The following NFIB variants were observed in gnomAD, a reference collection of about 807,000 sequenced individuals.
The protein encoded by NFIB is nuclear factor 1 B-type.
In NFIB, 11 loss-of-function variants were observed where a neutral mutation model predicts 61.5. That is an observed-to-expected ratio of 0.18 (90% CI 0.11 to 0.30). The LOEUF (loss-of-function observed/expected upper bound fraction) is 0.30, where lower values mean the gene tolerates loss of function less well. Ranked by LOEUF, NFIB falls within the 10% of genes least tolerant of loss-of-function variation. NFIB has a pLI of 1.00. For missense variants in NFIB, 471 were observed against 608.9 expected (o/e 0.77, Z 2.38); for synonymous variants, 260 against 216.5 (o/e 1.20, Z -1.76).
chr9:14,413,315 C>G, the NFIB span, among the ~76,000 whole-genome samples: 1 of 152,148 alleles, frequency 6.6e-6, no homozygotes, highest in South Asian at 2.1e-4. Flanking sequence ...TTTCTGCACA[C>G]TCCACAATGA....
At chr9:14,344,227 C>A (rs749791703) in intron 1 of NFIB, among the ~76,000 whole-genome samples, 5 of 151,836 alleles carry the variant, frequency 3.3e-5, no homozygotes, top group Non-Finnish European at 7.4e-5. Flanking sequence ...CCAAGAGAGG[C>A]ACACACAGAG....
intron 10 of NFIB, among the ~76,000 whole-genome samples, chr9:14,106,912 T>C (rs983259388): frequency 6.6e-6 from 1 of 152,098 alleles, no homozygotes; most frequent in African/African-American, 2.4e-5. Flanking sequence ...AAATCTCAAC[T>C]GAACCAATAA....
Position 14,188,614 on chromosome 9 carries a change from C to T in NFIB, c.563-8834G>A, listed in dbSNP as rs553651495. 7.2e-5 allele frequency among the ~76,000 whole-genome samples: 11 copies of T among 152,304 alleles called. No homozygotes were observed. In the East Asian group the frequency reaches 1.9e-3, roughly 27 times the overall value. ...TAAGATTTATAATCTTTCATAAATG[C>T]TGCCCATATCTTATAATATTAGATG... On this transcript the variant is annotated intron_variant, in intron 2 of 10. Coordinates refer to ENST00000380953, the MANE Select transcript of NFIB (RefSeq NM_001190737.2).
chr9:14,164,844 A>C (rs2044602197), intron 3 of NFIB, among the ~76,000 whole-genome samples: 1 of 152,126 alleles, frequency 6.6e-6, no homozygotes, highest in Admixed American at 6.6e-5. Context: ...ATTCTGATTT[A>C]ATTGATATGG....
intron 2 of NFIB, among the ~76,000 whole-genome samples, chr9:14,223,136 C>T (rs181228282): frequency 4.8e-4 from 73 of 152,284 alleles, no homozygotes; most frequent in Admixed American, 3.5e-3. Flanking sequence ...GCATTCAAAG[C>T]GATCCTGGGT....
rs1425385339 is a variant in NFIB at position 14,118,628 on chromosome 9, AC to A, written c.1245+1811del. On this transcript the variant is annotated intron_variant, in intron 8 of 10. Coordinates refer to ENST00000380953, the MANE Select transcript of NFIB (RefSeq NM_001190737.2). Reference sequence around the variant, plus strand: ...ATCTTTTAAGGCTGTTAATAGATGAACTTTCATACTGTAGATAGAAAAGAGA... The same window carrying A: ...ATCTTTTAAGGCTGTTAATAGATGAATTTCATACTGTAGATAGAAAAGAGA... Among the ~76,000 whole-genome samples, 4 of 152,104 alleles carry A rather than the reference AC, an allele frequency of 2.6e-5. No individual in the cohort carries two copies. In the South Asian group the frequency reaches 8.3e-4, roughly 31 times the overall value.
intron 2 of NFIB, among the ~76,000 whole-genome samples, chr9:14,188,211 G>C (rs1179707206): frequency 6.6e-6 from 1 of 152,170 alleles, no homozygotes; most frequent in East Asian, 1.9e-4. Flanking sequence ...TGCATAATAT[G>C]TTTTTGATTT....
intron 2 of NFIB, among the ~76,000 whole-genome samples, chr9:14,305,045 A>C (rs1332791153): frequency 7.2e-5 from 11 of 152,378 alleles, no homozygotes; most frequent in African/African-American, 2.4e-4. Flanking sequence ...CAACAAAATC[A>C]ATGTTTTATC....
At chr9:14,314,740 C>A (rs542436534), upstream of NFIB, among the ~76,000 whole-genome samples, 6 of 146,000 alleles carry the variant, frequency 4.1e-5, no homozygotes, top group Admixed American at 2.0e-4. Context: ...TCTCTCCCCC[C>A]ACCTCTCCCT....
chr9:14,516,038 G>A, the NFIB span, among the ~76,000 whole-genome samples: 2 of 152,190 alleles, frequency 1.3e-5, no homozygotes, highest in Non-Finnish European at 2.9e-5. Flanking sequence ...AGCCATTGGC[G>A]AGCACCTGCT....
chr9:14,416,033 T>C, the NFIB span, among the ~76,000 whole-genome samples: 1 of 152,090 alleles, frequency 6.6e-6, no homozygotes, highest in Non-Finnish European at 1.5e-5. Flanking sequence ...CAGGGAGAAA[T>C]GGGCTTGAAT....
intron 1 of NFIB, among the ~76,000 whole-genome samples, chr9:14,322,610 G>A (rs2060689729): frequency 6.6e-6 from 1 of 151,996 alleles, no homozygotes; most frequent in South Asian, 2.1e-4. Flanking sequence ...GCCGGCCTGG[G>A]CGCGCGGGAA....
chr9:14,101,447 A>G (rs1484561558), intron 10 of NFIB, among the ~76,000 whole-genome samples: 1 of 152,130 alleles, frequency 6.6e-6, no homozygotes, highest in Non-Finnish European at 1.5e-5. Context: ...CTGTGAACCA[A>G]TATGGAGATA....
At chr9:14,149,149 A>C (rs1217984693) in intron 5 of NFIB, among the ~76,000 whole-genome samples, 7 of 152,170 alleles carry the variant, frequency 4.6e-5, no homozygotes, top group Non-Finnish European at 5.9e-5. Context: ...AGACTATTTT[A>C]ATAATAAACC....
chr9:14,426,685 G>T, the NFIB span, among the ~76,000 whole-genome samples: 5 of 152,106 alleles, frequency 3.3e-5, no homozygotes, highest in African/African-American at 1.2e-4. Context: ...AGCTGAACAT[G>T]CCAGAATATT....
chr9:14,114,042 A>G (rs960407169), intron 9 of NFIB, among the ~76,000 whole-genome samples: 3 of 152,198 alleles, frequency 2.0e-5, no homozygotes, highest in Non-Finnish European at 4.4e-5. Context: ...GAAGAAAGCT[A>G]CACTGTTTGG....
At chr9:14,231,135 AATATATATAT>A (rs1554681460) in intron 2 of NFIB, among the ~76,000 whole-genome samples, 32 of 35,350 alleles carry the variant, frequency 9.1e-4, no homozygotes, top group African/African-American at 2.4e-3. Context: ...AAAAAAAAAA[AATATATATAT>A]ATATATATAT....
At chr9:14,104,779 T>G (rs537627101) in intron 10 of NFIB, among the ~76,000 whole-genome samples, 1 of 151,896 alleles carries the variant, frequency 6.6e-6, no homozygotes, top group Non-Finnish European at 1.5e-5. Flanking sequence ...AGCGATAAGA[T>G]CTTGCTATGT....
chr9:14,348,857 C>CT (rs1198138378), intron 1 of NFIB, among the ~76,000 whole-genome samples: 10 of 152,266 alleles, frequency 6.6e-5, no homozygotes, highest in African/African-American at 1.9e-4. Context: ...GCACGATTCT[C>CT]TAAGTTCGGA....
Sources: allele counts gnomAD v4.1 joint callset (sites outside exome capture counted in the v4.1 genomes callset), GRCh38; gene constraint gnomAD v4.1.1; transcripts MANE v1.5; gene names NCBI Gene and HGNC (gene_info 2026-07-23, HGNC 2026-07-21).